SLMAP: variants seen among roughly 807,000 people sequenced by gnomAD.
SLMAP encodes the protein sarcolemmal membrane-associated protein.
A neutral mutation model predicts 128.8 loss-of-function variants in SLMAP; 44 were observed. The observed-to-expected ratio is 0.34, with a 90% CI of 0.27 to 0.44. The LOEUF (loss-of-function observed/expected upper bound fraction) is 0.44, where lower values mean the gene tolerates loss of function less well. SLMAP is among the 20% of genes least tolerant of loss of function. SLMAP has a pLI of 1.00. For synonymous variants in SLMAP, 327 were observed against 348.8 expected, an observed-to-expected ratio of 0.94 and a Z score of 0.70; for missense variants, 787 against 985.3, an observed-to-expected ratio of 0.80 and a Z score of 2.69.
intron 14 of SLMAP, 60 bp from the exon 15 acceptor site, chr3:57,889,981 C>G: frequency 8.4e-7 from 1 of 1,184,270 alleles, no homozygotes; most frequent in South Asian, 1.2e-5. Flanking sequence ...TTACACTGCC[C>G]AGCTCAGGGA....
intron 2 of SLMAP, among the ~76,000 whole-genome samples, chr3:57,814,369 G>C (rs2091540256): frequency 6.6e-6 from 1 of 151,866 alleles, no homozygotes; most frequent in Non-Finnish European, 1.5e-5. Flanking sequence ...TTAAACTCCT[G>C]GACTCAAGCA....
chr3:57,763,277 C>CTT (rs1282358973), intron 2 of SLMAP, among the ~76,000 whole-genome samples: 7 of 140,374 alleles, frequency 5.0e-5, no homozygotes, highest in Admixed American at 1.4e-4. Context: ...CTTAGTGCAT[C>CTT]TTTTTTTTTT....
chr3:57,917,196 T>TGATA (rs2096830755), intron 22 of SLMAP, 119 bp downstream of exon 22: 1 of 1,547,320 alleles, frequency 6.5e-7, no homozygotes, highest in African/African-American at 1.4e-5. Flanking sequence ...GTCACAAAAT[T>TGATA]GATACTTGGA....
intron 6 of SLMAP, among the ~76,000 whole-genome samples, chr3:57,855,232 G>T (rs1408699744): frequency 2.0e-5 from 3 of 151,936 alleles, no homozygotes; most frequent in African/African-American, 7.2e-5. Context: ...ACAAAAATTA[G>T]CTGGGCATGG....
At chr3:57,771,153 C>T (rs1014369077) in intron 2 of SLMAP, among the ~76,000 whole-genome samples, 2 of 140,082 alleles carry the variant, frequency 1.4e-5, no homozygotes, top group Non-Finnish European at 3.2e-5. Context: ...TCTCCCCTCC[C>T]CTCCCCTCCC....
In SLMAP at chr3:57,864,848, A is replaced by C; in HGVS notation, c.1177A>C (p.Ser393Arg). 1 of 1,578,402 alleles carries C rather than the reference A, an allele frequency of 6.3e-7. No individual in the cohort carries two copies. The highest frequency in any genetic ancestry group is 2.4e-5 in the East Asian group (1 of 42,310). ...HLQEKTLKEC[S>R]SLGIQVDDFL... ...TCAGGAGAAAACTCTTAAAGAATGC[A>C]GCAGCTTGGGTAGGTGGCATCCATA... The change falls in exon 12 of 25, where the codon AGC (serine) becomes CGC (arginine). Residue 393 changes from serine (S) to arginine (R), a missense_variant. Around this residue, in one of 2 missense-constraint regions of SLMAP, gnomAD observed 715 missense variants for 843.6 expected, o/e 0.85. Coordinates refer to ENST00000671191, the MANE Select transcript of SLMAP (RefSeq NM_001377540.1).
At chr3:57,853,974 T>TATAC (rs1553881148) in intron 6 of SLMAP, among the ~76,000 whole-genome samples, 1 of 98,542 alleles carries the variant, frequency 1.0e-5, no homozygotes, top group Non-Finnish European at 2.0e-5. Flanking sequence ...TATATATATA[T>TATAC]ATATATATAT....
intron 2 of SLMAP, among the ~76,000 whole-genome samples, chr3:57,783,915 C>T (rs1268214411): frequency 6.6e-6 from 1 of 152,152 alleles, no homozygotes; most frequent in African/African-American, 2.4e-5. Flanking sequence ...TGTTGCAACA[C>T]TGCCCTAGCT....
chr3:57,821,263 G>A (rs2092480708), intron 2 of SLMAP, among the ~76,000 whole-genome samples: 1 of 151,874 alleles, frequency 6.6e-6, no homozygotes, highest in Admixed American at 6.6e-5. Flanking sequence ...TTGTGAGCTG[G>A]CCCCAAAAGA....
At chr3:57,810,720 C>A (rs954406044) in intron 2 of SLMAP, among the ~76,000 whole-genome samples, 1 of 152,172 alleles carries the variant, frequency 6.6e-6, no homozygotes, top group African/African-American at 2.4e-5. Flanking sequence ...TGTCCCTTAC[C>A]TTACTTGATC....
intron 8 of SLMAP, among the ~76,000 whole-genome samples, chr3:57,859,605 G>A (rs1218996815): frequency 1.3e-5 from 2 of 152,042 alleles, no homozygotes; most frequent in Non-Finnish European, 2.9e-5. Flanking sequence ...TGTAACTTTG[G>A]CATCAAAAAC....
chr3:57,916,915 G>A lies in SLMAP; in HGVS notation c.2148G>A (p.Lys716=), dbSNP rs896601877. The change falls in exon 22 of 25, where the codon AAG becomes AAA. Residue 716 remains lysine, a synonymous_variant. Transcript: ENST00000671191. ...RQEKELHNSQ[K]QSLELTSDLS... ...AATATTTATATTGCAGTTCTCAGAA[G>A]CAGAGTTTAGAGCTTACCAGTGATC... 5.0e-6 allele frequency: 8 copies of A among 1,612,730 alleles called. No individual in the cohort carries two copies. The highest frequency in any genetic ancestry group is 5.9e-6 in the Non-Finnish European group (7 of 1,179,014).
chr3:57,756,853 C>G lies in SLMAP; in HGVS notation c.-799C>G, dbSNP rs1484324361. On this transcript the variant is annotated 5_prime_UTR_variant, in exon 2 of 25. Transcript: ENST00000671191. ...CTCCCGGTGTCGCGCCTCGCTCGGT[C>G]CGCACCGGCCTGCGGAGCCGGGTCC... The G allele has an allele frequency of 6.6e-6, 1 of 152,208 alleles. No homozygotes were observed. The highest frequency in any genetic ancestry group is 6.5e-5 in the Admixed American group (1 of 15,284). 9.4% of individuals were successfully genotyped at this position (152,208 alleles called of 1,614,324 possible). A position where few individuals can be genotyped will look rare whatever the true frequency, so the allele number is the denominator to read the frequency against.
intron 2 of SLMAP, among the ~76,000 whole-genome samples, chr3:57,778,121 A>G (rs1410221986): frequency 6.6e-6 from 1 of 152,196 alleles, no homozygotes; most frequent in Non-Finnish European, 1.5e-5. Flanking sequence ...GGACCTATTT[A>G]TGTTCTGTGG....
chr3:57,841,109 A>G (rs1168654485), intron 3 of SLMAP, among the ~76,000 whole-genome samples, 190 bp from the exon 4 acceptor site: 3 of 152,182 alleles, frequency 2.0e-5, no homozygotes, highest in Admixed American at 6.5e-5. Context: ...CCTTATTTCT[A>G]CCTTGAAATT....
intron 6 of SLMAP, among the ~76,000 whole-genome samples, chr3:57,850,537 A>G (rs1043295464): frequency 9.2e-5 from 14 of 151,948 alleles, no homozygotes; most frequent in East Asian, 1.9e-4. Flanking sequence ...TCCTGCCTCA[A>G]CCTCCCAAAG....
intron 2 of SLMAP, 43 bp from the exon 3 acceptor site, chr3:57,831,334 TTATTAC>T: frequency 1.6e-6 from 2 of 1,275,214 alleles, no homozygotes; most frequent in South Asian, 2.0e-5. Flanking sequence ...ACATTTGGAA[TTATTAC>T]TATTAATATT....
chr3:57,891,148 C>T (rs1450631087), intron 15 of SLMAP: 2 of 151,484 alleles, frequency 1.3e-5, no homozygotes, highest in Non-Finnish European at 2.9e-5. Flanking sequence ...ACCTCACCAT[C>T]CAAATACCTA....
At chr3:57,863,876 A>C (rs1360107624) in intron 10 of SLMAP, among the ~76,000 whole-genome samples, 1 of 152,212 alleles carries the variant, frequency 6.6e-6, no homozygotes, top group African/African-American at 2.4e-5. Context: ...TTTTGTTTAA[A>C]ATTTCAGAAT....
Sources: gnomAD v4.1 joint callset for allele counts (sites outside exome capture counted in the v4.1 genomes callset) on GRCh38, gnomAD v4.1.1 for gene constraint, gnomAD v4.1.1 regional missense constraint, MANE v1.5 for transcripts, NCBI Gene and HGNC (gene_info 2026-07-23, HGNC 2026-07-21) for gene names.